PPFIA2: variants seen among roughly 807,000 people sequenced by gnomAD.
The protein encoded by PPFIA2 is PPFI scaffold protein A2, also known as liprin-alpha-2.
In PPFIA2, 46 loss-of-function variants were observed where a neutral mutation model predicts 175.5. The observed-to-expected ratio is 0.26, with a 90% CI of 0.21 to 0.34. PPFIA2 has a LOEUF of 0.34. PPFIA2 is among the 10% of genes least tolerant of loss of function. The probability of loss-of-function intolerance (pLI) is 1.00; values close to 1 mark genes in which losing one functional copy is unlikely to be tolerated. For missense variants in PPFIA2, 1,179 were observed against 1,506.1 expected (o/e 0.78, Z 3.60); for synonymous variants, 568 against 511.4 (o/e 1.11, Z -1.49).
chr12:81,755,550 A>G (rs192292419), intron 2 of PPFIA2, among the ~76,000 whole-genome samples: 1 of 152,322 alleles, frequency 6.6e-6, no homozygotes, highest in Admixed American at 6.5e-5. Flanking sequence ...ATATTTAATT[A>G]CTTTTTATGT....
At chr12:81,466,866 A>C (rs2055742061) in intron 4 of PPFIA2, among the ~76,000 whole-genome samples, 1 of 147,346 alleles carries the variant, frequency 6.8e-6, no homozygotes, top group Non-Finnish European at 1.5e-5. Flanking sequence ...AATATATATA[A>C]TTTTTAATAT....
intron 8 of PPFIA2, among the ~76,000 whole-genome samples, chr12:81,404,003 C>G (rs1405506212): frequency 5.3e-5 from 8 of 152,148 alleles, no homozygotes; most frequent in Admixed American, 4.6e-4. Flanking sequence ...TTGCCTTGGT[C>G]TCTCCCTTTG....
chr12:81,569,690 T>G (rs2072102974), intron 4 of PPFIA2, among the ~76,000 whole-genome samples: 1 of 152,190 alleles, frequency 6.6e-6, no homozygotes, highest in South Asian at 2.1e-4. Flanking sequence ...ATTGTGGAAT[T>G]AGGAAAGAAC....
At chr12:81,574,824 T>C (rs1190643803) in intron 4 of PPFIA2, among the ~76,000 whole-genome samples, 1 of 151,856 alleles carries the variant, frequency 6.6e-6, no homozygotes, top group African/African-American at 2.4e-5. Flanking sequence ...CTCTTACAGA[T>C]GCAAAGTTTA....
intron 4 of PPFIA2, among the ~76,000 whole-genome samples, chr12:81,623,842 C>T (rs73147412): frequency 0.058 from 8,773 of 151,776 alleles, 370 homozygotes; most frequent in East Asian, 0.25. Context: ...CTTTTATCTC[C>T]TATAAACAAG....
rs534361149 is a variant in PPFIA2, at chr12:81,571,336, G to C, written c.303+105455C>G. Among the ~76,000 whole-genome samples, 9 of 152,168 alleles carry C rather than the reference G, an allele frequency of 5.9e-5. No homozygotes were observed. In the South Asian group the frequency reaches 1.9e-3, roughly 32 times the overall value. On this transcript the variant is annotated intron_variant, in intron 4 of 32. Transcript: ENST00000549396. Reference sequence around the variant, plus strand: ...GAAGGAAAAAATATCCCAGTAACTAGTAAACAAAAACAGGCAGAATATTAG... The same window carrying C: ...GAAGGAAAAAATATCCCAGTAACTACTAAACAAAAACAGGCAGAATATTAG...
At chr12:81,749,431 C>A (rs2083461469) in intron 3 of PPFIA2, among the ~76,000 whole-genome samples, 1 of 143,594 alleles carries the variant, frequency 7.0e-6, no homozygotes, top group Non-Finnish European at 1.6e-5. Context: ...TCAGTGTATG[C>A]TAAAAAAGGT....
chr12:81,571,843 C>T (rs529631670), intron 4 of PPFIA2, among the ~76,000 whole-genome samples: 2 of 151,960 alleles, frequency 1.3e-5, no homozygotes, highest in Non-Finnish European at 2.9e-5. Flanking sequence ...CAATTTTTGT[C>T]GACACATTGT....
chr12:81,347,461 C>A, intron 18 of PPFIA2, 72 bp downstream of exon 18: 1 of 1,280,334 alleles, frequency 7.8e-7, no homozygotes, highest in Non-Finnish European at 1.1e-6. Context: ...AGAACAAACA[C>A]CCAGTTAAGT....
intron 7 of PPFIA2, among the ~76,000 whole-genome samples, chr12:81,421,706 A>C (rs2046271810): frequency 6.6e-6 from 1 of 152,080 alleles, no homozygotes; most frequent in Non-Finnish European, 1.5e-5. Context: ...TACTTTAAAT[A>C]TACATGAATT....
chr12:81,302,123 T>C, intron 22 of PPFIA2: 1 of 354,626 alleles, frequency 2.8e-6, no homozygotes. Flanking sequence ...TGCTTCTTGT[T>C]TCAGTAAATT....
chr12:81,625,705 TTAAAA>T (rs1420979838), intron 4 of PPFIA2, among the ~76,000 whole-genome samples: 6 of 151,502 alleles, frequency 4.0e-5, no homozygotes. Context: ...ATTGTAGGTA[TTAAAA>T]TAAAATATTG....
At chr12:81,358,506 T>A (rs921758284) in intron 15 of PPFIA2, among the ~76,000 whole-genome samples, 1 of 152,172 alleles carries the variant, frequency 6.6e-6, no homozygotes, top group Non-Finnish European at 1.5e-5. Context: ...GTAAAATGAA[T>A]CATAATAAGA....
intron 4 of PPFIA2, among the ~76,000 whole-genome samples, chr12:81,531,152 A>G (rs1177460922): frequency 2.0e-5 from 3 of 151,970 alleles, no homozygotes; most frequent in Non-Finnish European, 4.4e-5. Flanking sequence ...CAACCAGTTT[A>G]CTTATTCCCA....
chr12:81,489,600 A>G (rs899257563), intron 4 of PPFIA2, among the ~76,000 whole-genome samples: 1 of 151,910 alleles, frequency 6.6e-6, no homozygotes, highest in Non-Finnish European at 1.5e-5. Context: ...AAGAAAAAAT[A>G]AATCTATCTT....
chr12:81,732,524 A>AC (rs2081050437), intron 3 of PPFIA2, among the ~76,000 whole-genome samples: 1 of 150,766 alleles, frequency 6.6e-6, no homozygotes, highest in Admixed American at 6.6e-5. Flanking sequence ...AAAAAAAAAA[A>AC]AAAAACACTC....
intron 3 of PPFIA2, among the ~76,000 whole-genome samples, chr12:81,682,622 T>G (rs576256651): frequency 6.6e-6 from 1 of 152,204 alleles, no homozygotes; most frequent in East Asian, 1.9e-4. Flanking sequence ...TTCAAGTCTT[T>G]AAAATATTTA....
Position 81,367,188 on chromosome 12 carries a change from G to A in PPFIA2, c.1483-18C>T, listed in dbSNP as rs563478340. 10 of 1,320,672 alleles carry A rather than the reference G, an allele frequency of 7.6e-6. No homozygotes were observed. Among genetic ancestry groups the A allele is most frequent in the Non-Finnish European group, 2.0e-6 (2 of 1,001,578 alleles). 81.8% of individuals were successfully genotyped at this position (1,320,672 alleles called of 1,614,324 possible). A position where few individuals can be genotyped will look rare whatever the true frequency, so the allele number is the denominator to read the frequency against. ...AAAACATTCTAAAGAAAAGAAAATA[G>A]CAGAAATAATTAATAAATTAAACAT... is the stretch of plus-strand genomic sequence containing the variant. On this transcript the variant is annotated intron_variant, in intron 13 of 32. Coordinates refer to ENST00000549396, the MANE Select transcript of PPFIA2 (RefSeq NM_003625.5).
intron 14 of PPFIA2, among the ~76,000 whole-genome samples, 187 bp downstream of exon 14, chr12:81,366,921 T>G (rs1301374262): frequency 6.6e-6 from 1 of 151,678 alleles, no homozygotes; most frequent in Non-Finnish European, 1.5e-5. Flanking sequence ...GAATTTGGGT[T>G]ACAAAGATTC....
Sources: allele counts gnomAD v4.1 joint callset (sites outside exome capture counted in the v4.1 genomes callset), GRCh38; gene constraint gnomAD v4.1.1; transcripts MANE v1.5; gene names NCBI Gene and HGNC (gene_info 2026-07-23, HGNC 2026-07-21).